SLC9A9: variants seen among roughly 807,000 people sequenced by gnomAD.
SLC9A9 encodes sodium/hydrogen exchanger 9.
Under a neutral mutation model 77.8 loss-of-function variants are expected in SLC9A9, and 62 were observed. The observed-to-expected ratio is 0.80, with a 90% CI of 0.65 to 0.98. The LOEUF (loss-of-function observed/expected upper bound fraction) is 0.98, where lower values mean the gene tolerates loss of function less well. SLC9A9 is among the 50% of genes least tolerant of loss of function. SLC9A9 has a pLI of 0.00. For synonymous variants in SLC9A9, 320 were observed against 283.5 expected (o/e 1.13, Z -1.29); for missense variants, 775 against 774.9 (o/e 1.00, Z 0.00).
At chr3:143,524,669 T>C (rs1170383461) in intron 9 of SLC9A9, among the ~76,000 whole-genome samples, 1 of 152,228 alleles carries the variant, frequency 6.6e-6, no homozygotes, top group African/African-American at 2.4e-5. Context: ...TATACATCTC[T>C]ATCAAGATGA....
chr3:143,499,056 G>A (rs2035886887), intron 9 of SLC9A9, among the ~76,000 whole-genome samples: 1 of 152,166 alleles, frequency 6.6e-6, no homozygotes, highest in Non-Finnish European at 1.5e-5. Context: ...TCCCAAAGCG[G>A]TGGTATCAAT....
At chr3:143,387,994 CT>C (rs2033466485) in intron 12 of SLC9A9, among the ~76,000 whole-genome samples, 1 of 152,166 alleles carries the variant, frequency 6.6e-6, no homozygotes. Context: ...TTTGAGCCCC[CT>C]GGTGACAGGG....
At chr3:143,284,038 C>CT (rs112727941) in intron 14 of SLC9A9, among the ~76,000 whole-genome samples, 1,476 of 142,836 alleles carry the variant, frequency 0.01, 25 homozygotes, top group South Asian at 0.074. Flanking sequence ...GTTCCAGGAC[C>CT]TTTTTTTTTT....
intron 12 of SLC9A9, among the ~76,000 whole-genome samples, chr3:143,390,102 G>A (rs1223757555): frequency 6.6e-6 from 1 of 152,162 alleles, no homozygotes; most frequent in African/African-American, 2.4e-5. Context: ...GAAAACAGCT[G>A]GGTCAAGGAT....
intron 4 of SLC9A9, among the ~76,000 whole-genome samples, chr3:143,743,642 G>C (rs574560191): frequency 6.6e-6 from 1 of 152,140 alleles, no homozygotes; most frequent in African/African-American, 2.4e-5. Flanking sequence ...CACAGTGAGA[G>C]TGGCAGTCTT....
At chr3:143,755,693 A>T (rs1024371410) in intron 4 of SLC9A9, among the ~76,000 whole-genome samples, 1 of 152,208 alleles carries the variant, frequency 6.6e-6, no homozygotes, top group Non-Finnish European at 1.5e-5. Flanking sequence ...TATTTCTTTA[A>T]TTTATTTATA....
chr3:143,803,054 G>A (rs1000745409), intron 2 of SLC9A9, among the ~76,000 whole-genome samples: 4 of 152,100 alleles, frequency 2.6e-5, no homozygotes, highest in Non-Finnish European at 4.4e-5. Context: ...TTCTTGTTAA[G>A]AATCTGACCC....
chr3:143,409,349 A>C (rs1226589114), intron 12 of SLC9A9, among the ~76,000 whole-genome samples: 1 of 152,252 alleles, frequency 6.6e-6, no homozygotes, highest in African/African-American at 2.4e-5. Flanking sequence ...CAGGTGACAC[A>C]GCAAGAAGGA....
intron 9 of SLC9A9, among the ~76,000 whole-genome samples, chr3:143,522,295 G>A (rs373999333): frequency 1.4e-4 from 21 of 152,106 alleles, no homozygotes; most frequent in African/African-American, 4.3e-4. Context: ...CTTGAAAAGA[G>A]TTTAAAACCA....
rs745731114 is a variant in SLC9A9 at position 143,652,352 on chromosome 3, G to A, written c.658C>T (p.Leu220=). The A allele has an allele frequency of 3.1e-6, 5 of 1,611,922 alleles. No individual in the cohort carries two copies. In the South Asian group the frequency reaches 4.4e-5, roughly 14 times the overall value. ...ACGTGCAGTTCATGGAAAATGGCCA[G>A]CACTGTCACTAGGAAGACACACACA... The part of the protein sequence containing the change: ...LMSATDPVTV[L]AIFHELHVDP... Residue 220 remains leucine, a synonymous_variant, in exon 6 of 16, where the codon CTG becomes TTG. Coordinates refer to ENST00000316549, the MANE Select transcript of SLC9A9 (RefSeq NM_173653.4).
intron 4 of SLC9A9, among the ~76,000 whole-genome samples, chr3:143,707,524 T>G (rs540663315): frequency 6.6e-6 from 1 of 152,310 alleles, no homozygotes. Context: ...GTAGAAAATT[T>G]AAGATAGCTT....
chr3:143,270,895 A>G (rs1448789803), intron 14 of SLC9A9, among the ~76,000 whole-genome samples: 2 of 152,220 alleles, frequency 1.3e-5, no homozygotes, highest in African/African-American at 4.8e-5. Flanking sequence ...TTGACTTTTT[A>G]TGGTTTTAGT....
chr3:143,298,354 C>T (rs1480006589), intron 14 of SLC9A9, among the ~76,000 whole-genome samples: 1 of 152,196 alleles, frequency 6.6e-6, no homozygotes, highest in Non-Finnish European at 1.5e-5. Context: ...ATTGAGTGAG[C>T]CAGTGACCGT....
intron 9 of SLC9A9, among the ~76,000 whole-genome samples, chr3:143,540,466 G>T (rs959863316): frequency 1.3e-5 from 2 of 152,134 alleles, no homozygotes; most frequent in Non-Finnish European, 2.9e-5. Flanking sequence ...CTGCAGGAAC[G>T]GAGTTCCCTT....
intron 14 of SLC9A9, among the ~76,000 whole-genome samples, chr3:143,323,059 A>C (rs886941669): frequency 6.6e-6 from 1 of 152,226 alleles, no homozygotes; most frequent in African/African-American, 2.4e-5. Context: ...AGTGGCTGTT[A>C]TTAAATAGAC....
chr3:143,442,645 C>T (rs1166366185), intron 12 of SLC9A9, among the ~76,000 whole-genome samples: 1 of 152,200 alleles, frequency 6.6e-6, no homozygotes, highest in Non-Finnish European at 1.5e-5. Flanking sequence ...TTGCTTGAAC[C>T]CGGGAGGCAG....
chr3:143,504,574 T>C (rs556841314), intron 9 of SLC9A9, among the ~76,000 whole-genome samples: 1 of 152,340 alleles, frequency 6.6e-6, no homozygotes, highest in East Asian at 1.9e-4. Context: ...ATAGGTAAAG[T>C]GCAATCTTTG....
intron 12 of SLC9A9, among the ~76,000 whole-genome samples, chr3:143,452,346 C>T (rs2035021580): frequency 6.6e-6 from 1 of 151,728 alleles, no homozygotes; most frequent in Non-Finnish European, 1.5e-5. Flanking sequence ...CAAGCCTTGA[C>T]CTAATTTCTA....
chr3:143,637,043 G>C (rs2038534732), intron 6 of SLC9A9, among the ~76,000 whole-genome samples: 1 of 152,190 alleles, frequency 6.6e-6, no homozygotes, highest in African/African-American at 2.4e-5. Context: ...CTCCAGATGA[G>C]AAGGAACCAA....
Sources: gnomAD v4.1 joint callset for allele counts (sites outside exome capture counted in the v4.1 genomes callset) on GRCh38, gnomAD v4.1.1 for gene constraint, MANE v1.5 for transcripts, NCBI Gene and HGNC (gene_info 2026-07-23, HGNC 2026-07-21) for gene names.